The following NRG1 variants were observed in gnomAD, a reference collection of about 807,000 sequenced individuals.
NRG1 encodes the protein neuregulin 1.
NRG1 carries 18 observed loss-of-function variants against 63.8 expected under a neutral mutation model. The observed-to-expected ratio is 0.28, with a 90% CI of 0.19 to 0.42. The LOEUF (loss-of-function observed/expected upper bound fraction) is 0.42. NRG1 is among the 10% of genes least tolerant of loss of function. The pLI, the probability that NRG1 is intolerant of heterozygous loss-of-function variation, is 1.00. For synonymous variants in NRG1, 302 were observed against 301.3 expected (o/e 1.00, Z -0.02); for missense variants, 762 against 814.7 (o/e 0.94, Z 0.79).
chr8:32,263,589 A>G (rs1586485599), intron 1 of NRG1, among the ~76,000 whole-genome samples: 1 of 152,190 alleles, frequency 6.6e-6, no homozygotes, highest in Non-Finnish European at 1.5e-5. Flanking sequence ...ACGACTAACT[A>G]TCAAAGAAGA....
In NRG1 at chr8:32,634,248, C is replaced by G. The variant is rs185863226; in HGVS notation, c.502+17363C>G. Among the ~76,000 whole-genome samples the G allele has an allele frequency of 2.0e-5, 3 of 152,104 alleles. No homozygotes were observed. The East Asian group carries it at 5.8e-4, about 29-fold the overall frequency. On this transcript the variant is annotated intron_variant, in intron 5 of 11. Coordinates refer to ENST00000356819, the Ensembl canonical transcript of NRG1. ...ACAGTAACTACTGACCTGATCTTCC[C>G]TTTTCATTTTATTTTAATTTCTAAT...
At chr8:32,577,814 C>G (rs1839936919) in intron 1 of NRG1, among the ~76,000 whole-genome samples, 1 of 151,772 alleles carries the variant, frequency 6.6e-6, no homozygotes, top group African/African-American at 2.4e-5. Context: ...TATGTACCAT[C>G]ATTATAGCAC....
At chr8:32,341,019 C>T (rs948954165) in intron 1 of NRG1, among the ~76,000 whole-genome samples, 3 of 152,138 alleles carry the variant, frequency 2.0e-5, no homozygotes, top group South Asian at 2.1e-4. Flanking sequence ...AATAACAATA[C>T]GTGAGAGATG....
Position 32,706,995 on chromosome 8 carries a change from GTTTA to G in NRG1, c.503-20946_503-20943del, listed in dbSNP as rs557134741. Reference sequence around the variant, plus strand: ...TTTACAAGATTCTATTATAAAGCCAGTTTATTTATTTTTTTAATTCCATTATCAT... The same window carrying G: ...TTTACAAGATTCTATTATAAAGCCAGTTTATTTTTTTAATTCCATTATCAT... On this transcript the variant is annotated intron_variant, in intron 5 of 11. Coordinates refer to ENST00000356819, the Ensembl canonical transcript of NRG1. 1.2e-4 allele frequency among the ~76,000 whole-genome samples: 18 copies of G among 151,968 alleles called. No individual in the cohort carries two copies. In the East Asian group the frequency reaches 1.4e-3, roughly 11 times the overall value.
intron 1 of NRG1, among the ~76,000 whole-genome samples, chr8:31,810,299 G>A (rs1183758102): frequency 2.0e-5 from 3 of 151,882 alleles, no homozygotes; most frequent in African/African-American, 4.8e-5. Context: ...TGTATTCAGC[G>A]GCCTCAGAGA....
intron 5 of NRG1, among the ~76,000 whole-genome samples, chr8:32,651,623 C>T (rs562416334): frequency 8.5e-5 from 13 of 152,090 alleles, no homozygotes; most frequent in Non-Finnish European, 1.9e-4. Context: ...TTGGTATTTT[C>T]ATCTTGGGCC....
chr8:31,693,977 A>T (rs1055307140), intron 1 of NRG1, among the ~76,000 whole-genome samples: 8 of 152,138 alleles, frequency 5.3e-5, no homozygotes, highest in Admixed American at 2.6e-4. Flanking sequence ...AGGTGGGACT[A>T]TAGGAGTGTG....
chr8:32,560,856 A>G (rs925865998), intron 1 of NRG1, among the ~76,000 whole-genome samples: 2 of 152,196 alleles, frequency 1.3e-5, no homozygotes, highest in East Asian at 1.9e-4. Flanking sequence ...GTAAATTACT[A>G]TGGCCATTGC....
intron 1 of NRG1, among the ~76,000 whole-genome samples, chr8:31,753,356 G>A (rs902917731): frequency 6.4e-5 from 9 of 141,146 alleles, no homozygotes; most frequent in Non-Finnish European, 1.4e-4. Context: ...CCTGAGAGAT[G>A]AGAAACTACA....
At chr8:31,788,412 A>G (rs1409912906) in intron 1 of NRG1, among the ~76,000 whole-genome samples, 1 of 152,160 alleles carries the variant, frequency 6.6e-6, no homozygotes, top group Admixed American at 6.6e-5. Flanking sequence ...ATGGATATTT[A>G]GGCTTGAAAT....
intron 1 of NRG1, among the ~76,000 whole-genome samples, chr8:31,751,832 A>T (rs1816503035): frequency 1.3e-5 from 2 of 151,982 alleles, no homozygotes; most frequent in African/African-American, 4.8e-5. Flanking sequence ...GGTGACATAG[A>T]ACTCTGCATC....
At chr8:32,442,310 A>G (rs1438201820) in intron 1 of NRG1, among the ~76,000 whole-genome samples, 1 of 152,198 alleles carries the variant, frequency 6.6e-6, no homozygotes, top group Non-Finnish European at 1.5e-5. Flanking sequence ...CCTGGACTCA[A>G]AGAATTACCT....
chr8:32,059,336 T>C (rs2130894566), intron 1 of NRG1, among the ~76,000 whole-genome samples: 1 of 152,114 alleles, frequency 6.6e-6, no homozygotes, highest in East Asian at 1.9e-4. Context: ...CACACTGGAC[T>C]TACAACTCCT....
chr8:32,028,050 G>A (rs934325219), intron 1 of NRG1, among the ~76,000 whole-genome samples: 25 of 152,172 alleles, frequency 1.6e-4, no homozygotes, highest in African/African-American at 4.6e-4. Flanking sequence ...CTAAATTGTG[G>A]TTCTTAATCA....
Position 31,640,080 on chromosome 8 carries a change from G to A in NRG1, c.37+649G>A, listed in dbSNP as rs1434195326. ...CCCGCTCGTCGCCGCCGCTGCCGCT[G>A]CTGCCACTACTGCTGCTGCTGGGGA... is the stretch of plus-strand genomic sequence containing the variant. On this transcript the variant is annotated intron_variant, in intron 1 of 10. Transcript: ENST00000519301. This position sits in a 1 kb window ranked among gnomAD's most constrained non-coding sequence, Gnocchi z 6.3. 1 of 1,136,642 alleles carries A rather than the reference G, an allele frequency of 8.8e-7. No homozygotes were observed. The highest frequency in any genetic ancestry group is 1.1e-6 in the Non-Finnish European group (1 of 928,262). 70.4% of individuals were successfully genotyped at this position (1,136,642 alleles called of 1,614,324 possible).
intron 1 of NRG1, among the ~76,000 whole-genome samples, chr8:31,998,972 G>T (rs1271103389): frequency 1.3e-5 from 2 of 151,822 alleles, no homozygotes; most frequent in African/African-American, 4.8e-5. Context: ...GAGGATTTTT[G>T]GTCAGTGGCT....
intron 1 of NRG1, among the ~76,000 whole-genome samples, chr8:32,247,825 T>C (rs1848731986): frequency 6.6e-6 from 1 of 152,132 alleles, no homozygotes; most frequent in South Asian, 2.1e-4. Context: ...ATGGAATCTT[T>C]GCCTTCTAGG....
chr8:32,465,041 G>T (rs1191300437), intron 1 of NRG1, among the ~76,000 whole-genome samples: 1 of 152,098 alleles, frequency 6.6e-6, no homozygotes, highest in Non-Finnish European at 1.5e-5. Context: ...TGGGTTTGGT[G>T]GTGTGTGCCT....
intron 1 of NRG1, among the ~76,000 whole-genome samples, chr8:32,349,926 A>G (rs962610920): frequency 3.3e-5 from 5 of 152,186 alleles, no homozygotes; most frequent in Non-Finnish European, 7.3e-5. Flanking sequence ...CTTGATTTCA[A>G]AATGGATGTG....
Sources: allele counts gnomAD v4.1 joint callset (sites outside exome capture counted in the v4.1 genomes callset), GRCh38; gene constraint gnomAD v4.1.1; non-coding constraint Gnocchi (gnomAD v3.1); transcripts MANE v1.5; gene names NCBI Gene and HGNC (gene_info 2026-07-23, HGNC 2026-07-21).